The following RASAL1 variants were observed in gnomAD, a reference collection of about 807,000 sequenced individuals.
RASAL1 encodes the protein RAS protein activator like 1.
Under a neutral mutation model 96.6 loss-of-function variants are expected in RASAL1, and 72 were observed. The ratio of observed to expected loss-of-function variants is 0.75; its 90% CI spans 0.62 to 0.91. RASAL1 has a LOEUF of 0.91. Among genes scored for constraint, RASAL1 ranks in the 40% least tolerant of loss-of-function variants. The pLI, the probability that RASAL1 is intolerant of heterozygous loss-of-function variation, is 0.00. For synonymous variants in RASAL1, 405 were observed against 430.4 expected (o/e 0.94, Z 0.73); for missense variants, 1,016 against 1,072.5 (o/e 0.95, Z 0.74).
At position 113,101,885 on chromosome 12, in the gene RASAL1, C is replaced by T. The variant is rs1566031452; in HGVS notation, c.2225+4G>A. On this transcript the variant is annotated splice_donor_region_variant and intron_variant, in intron 19 of 20. Coordinates refer to ENST00000548055, the MANE Select transcript of RASAL1 (RefSeq NM_001301202.2). ...GGTGAAGTGGGATGGGTGGGGGCAC[C>T]CACCTGAGCTGGTCCCGCCCCAGGA... 6.2e-7 allele frequency: 1 copy of T among 1,612,104 alleles called. No homozygotes were observed. The highest frequency in any genetic ancestry group is 1.7e-5 in the Admixed American group (1 of 59,738).
chr12:113,113,592 C>T (rs938357189), intron 12 of RASAL1, among the ~76,000 whole-genome samples: 15 of 152,200 alleles, frequency 9.9e-5, no homozygotes, highest in African/African-American at 3.4e-4. Flanking sequence ...GCTGTATGAC[C>T]TTAGGCAAGT....
chr12:113,106,023 G>A (rs1732771), intron 15 of RASAL1, 137 bp from the exon 16 acceptor site: 550,923 of 878,214 alleles, frequency 0.63, 174,907 homozygotes, highest in East Asian at 0.77. Flanking sequence ...GGATGAGCGC[G>A]ATGACTTCAG....
At chr12:113,107,309 C>T in intron 14 of RASAL1, 68 bp from the exon 15 acceptor site, 1 of 1,466,098 alleles carries the variant, frequency 6.8e-7, no homozygotes, top group Non-Finnish European at 9.1e-7. Context: ...TCCTGGCTCC[C>T]AAATCAGTGC....
In RASAL1 at chr12:113,108,107, C is replaced by T. The variant is rs1038600550; in HGVS notation, c.1490G>A (p.Arg497His). Reference sequence around the variant, plus strand: ...CACCTTGGCAAGCAACAGCAGTGAGCGGCTAGTCTGGGGGTCCGCGTGTTG... The same window carrying T: ...CACCTTGGCAAGCAACAGCAGTGAGTGGCTAGTCTGGGGGTCCGCGTGTTG... ...RDQHADPQTS[R>H]SLLLLAKAVQ... The change falls in exon 14 of 21, where the codon CGC becomes CAC. Residue 497 changes from arginine (R) to histidine (H), a missense_variant. Transcript: ENST00000548055. The T allele has an allele frequency of 6.8e-6, 11 of 1,612,330 alleles. No homozygotes were observed. Among genetic ancestry groups the T allele is most frequent in the South Asian group, 3.3e-5 (3 of 90,738 alleles).
At chr12:113,111,442 C>A (rs1249265931) in intron 13 of RASAL1, among the ~76,000 whole-genome samples, 3 of 152,160 alleles carry the variant, frequency 2.0e-5, no homozygotes, top group Admixed American at 1.3e-4. Context: ...TCAGTTTCCT[C>A]CTCCGTAAAA....
At chr12:113,113,778 C>T (rs942873038) in intron 12 of RASAL1, among the ~76,000 whole-genome samples, 32 of 152,062 alleles carry the variant, frequency 2.1e-4, no homozygotes, top group African/African-American at 6.3e-4. Flanking sequence ...GTGGGTTAGA[C>T]AGGAGAAGGT....
intron 5 of RASAL1, 124 bp downstream of exon 5, chr12:113,121,385 C>T: frequency 6.8e-7 from 1 of 1,476,502 alleles, no homozygotes; most frequent in East Asian, 2.3e-5. Flanking sequence ...CACAGGGAAC[C>T]TGACTGCCAG....
intron 4 of RASAL1, among the ~76,000 whole-genome samples, chr12:113,124,837 A>G (rs1170301346): frequency 6.6e-6 from 1 of 152,278 alleles, no homozygotes; most frequent in Admixed American, 6.5e-5. Flanking sequence ...GAAATAATGC[A>G]TTATTCAATA....
Position 113,112,977 on chromosome 12 carries a change from ACCT to A in RASAL1, c.1182-702_1182-700del, listed in dbSNP as rs1950928660. Among the ~76,000 whole-genome samples the A allele has an allele frequency of 4.0e-5, 6 of 150,674 alleles. No homozygotes were observed. In the South Asian group the frequency reaches 8.5e-4, roughly 21 times the overall value. The stretch of plus-strand genomic sequence containing the variant: ...AAAAAATAAATAAATAAATAAATAA[ACCT>A]TCTTCCTCCAGTTGCTCATTATCTG... On this transcript the variant is annotated intron_variant, in intron 12 of 20. Transcript: ENST00000548055.
chr12:113,104,660 C>A (rs1950584097), intron 16 of RASAL1, among the ~76,000 whole-genome samples: 1 of 152,126 alleles, frequency 6.6e-6, no homozygotes, highest in South Asian at 2.1e-4. Context: ...CACCACCGCT[C>A]CCGGCTAATT....
At chr12:113,102,749 G>A (rs1446186214) in intron 18 of RASAL1, among the ~76,000 whole-genome samples, 3 of 152,014 alleles carry the variant, frequency 2.0e-5, no homozygotes, top group Non-Finnish European at 2.9e-5. Context: ...CACTACTTCC[G>A]TTGAATCTTA....
chr12:113,112,304 G>A (rs770869596), intron 12 of RASAL1, 26 bp from the exon 13 acceptor site: 4 of 1,250,570 alleles, frequency 3.2e-6, no homozygotes, highest in Non-Finnish European at 4.0e-6. Context: ...GAGCAGCTCA[G>A]CCTCGGGGCA....
rs930107494 is a variant in RASAL1 at position 113,102,103 on chromosome 12, GT to G, written c.2105-95del. 4.0e-5 allele frequency: 59 copies of G among 1,470,242 alleles called. No homozygotes were observed. In the African/African-American group the frequency reaches 7.0e-4, roughly 17 times the overall value. 91.1% of individuals were successfully genotyped at this position (1,470,242 alleles called of 1,614,324 possible). A position where few individuals can be genotyped will look rare whatever the true frequency, so the allele number is the denominator to read the frequency against. On this transcript the variant is annotated intron_variant, in intron 18 of 20. Coordinates refer to ENST00000548055, the MANE Select transcript of RASAL1 (RefSeq NM_001301202.2). The stretch of plus-strand genomic sequence containing the variant: ...TCGCCAAGCCGTGCTCCTTCTTCCT[GT>G]AAAATCCCTCCTCAAACCTACTACT...
intron 15 of RASAL1, 119 bp downstream of exon 15, chr12:113,106,978 T>A: frequency 8.5e-7 from 1 of 1,172,466 alleles, no homozygotes; most frequent in Non-Finnish European, 1.2e-6. Context: ...AAATGTTAGT[T>A]GACTGACCCA....
intron 18 of RASAL1, 92 bp from the exon 19 acceptor site, chr12:113,102,101 C>A: frequency 6.8e-7 from 1 of 1,478,146 alleles, no homozygotes; most frequent in Non-Finnish European, 9.2e-7. Context: ...CTCCTTCTTC[C>A]TGTAAAATCC....
chr12:113,134,407 T>C (rs1014202900), intron 1 of RASAL1, among the ~76,000 whole-genome samples: 1 of 152,134 alleles, frequency 6.6e-6, no homozygotes, highest in African/African-American at 2.4e-5. Context: ...TCCCAATCCA[T>C]GCTCCTGCTC....
At chr12:113,101,128 T>A (rs560029741) in intron 19 of RASAL1, among the ~76,000 whole-genome samples, 23 of 152,272 alleles carry the variant, frequency 1.5e-4, no homozygotes, top group African/African-American at 5.1e-4. Context: ...CCAGATGCAC[T>A]GGTTGGGTGC....
chr12:113,115,300 G>T lies in RASAL1; in HGVS notation c.1004-36C>A. 6.3e-7 allele frequency: 1 copy of T among 1,585,442 alleles called. No individual in the cohort carries two copies. The highest frequency in any genetic ancestry group is 1.1e-5 in the South Asian group (1 of 90,422). ...AGGAGGAAGTGTTTGCTGGGATTTA[G>T]GGAGCTGAACCCAGCTCACCCCACT... On this transcript the variant is annotated intron_variant, in intron 10 of 20. Transcript: ENST00000548055. This position sits in a 1 kb window ranked among gnomAD's most constrained non-coding sequence, Gnocchi z 4.1.
intron 4 of RASAL1, among the ~76,000 whole-genome samples, chr12:113,123,934 G>A (rs573465182): frequency 6.6e-6 from 1 of 152,114 alleles, no homozygotes; most frequent in Admixed American, 6.5e-5. Context: ...CTATAAAGAA[G>A]TTTGGCCTGG....
Sources: allele counts gnomAD v4.1 joint callset (sites outside exome capture counted in the v4.1 genomes callset), GRCh38; gene constraint gnomAD v4.1.1; non-coding constraint Gnocchi (gnomAD v3.1); transcripts MANE v1.5; gene names NCBI Gene and HGNC (gene_info 2026-07-23, HGNC 2026-07-21).